RNF216: variants seen among roughly 807,000 people sequenced by gnomAD.
The protein encoded by RNF216 is E3 ubiquitin-protein ligase RNF216.
Under a neutral mutation model 110.8 loss-of-function variants are expected in RNF216, and 72 were observed. The ratio of observed to expected loss-of-function variants is 0.65; its 90% CI spans 0.54 to 0.79. The LOEUF is 0.79. RNF216 is among the 30% of genes least tolerant of loss of function. The pLI, the probability that RNF216 is intolerant of heterozygous loss-of-function variation, is 0.00. For missense variants in RNF216, 1,342 were observed against 1,141.2 expected (o/e 1.18, Z -2.54); for synonymous variants, 495 against 407.5 (o/e 1.21, Z -2.59).
intron 14 of RNF216, among the ~76,000 whole-genome samples, chr7:5,646,436 G>A (rs1411798443): frequency 6.6e-6 from 1 of 152,116 alleles, no homozygotes; most frequent in Admixed American, 6.6e-5. Flanking sequence ...GCTCACACCT[G>A]TAATCCCAGC....
chr7:5,728,793 G>A (rs182761811), intron 7 of RNF216, among the ~76,000 whole-genome samples: 28 of 152,270 alleles, frequency 1.8e-4, no homozygotes, highest in African/African-American at 5.3e-4. Context: ...ACAATTTAAC[G>A]GCAGTAAGAG....
intron 14 of RNF216, among the ~76,000 whole-genome samples, chr7:5,641,719 T>C (rs1439660415): frequency 6.6e-6 from 1 of 152,100 alleles, no homozygotes; most frequent in Non-Finnish European, 1.5e-5. Context: ...CTATTTGTTA[T>C]AGGAATCCCT....
chr7:5,740,367 C>G (rs1053026238), intron 4 of RNF216, among the ~76,000 whole-genome samples: 1 of 152,064 alleles, frequency 6.6e-6, no homozygotes, highest in Non-Finnish European at 1.5e-5. Context: ...ATCTTGTGAT[C>G]CACCCACCTT....
intron 7 of RNF216, among the ~76,000 whole-genome samples, chr7:5,726,634 G>A (rs189701002): frequency 1.1e-4 from 17 of 152,184 alleles, no homozygotes; most frequent in African/African-American, 3.6e-4. Context: ...GAGGCAGGTG[G>A]ATCACCTGAG....
intron 13 of RNF216, among the ~76,000 whole-genome samples, chr7:5,654,611 T>C (rs112974886): frequency 0.048 from 6,707 of 140,664 alleles, 190 homozygotes; most frequent in East Asian, 0.1. Flanking sequence ...CACTTGAACC[T>C]GGCAGGTGGA....
In RNF216 at chr7:5,712,783, G is replaced by C. The variant is rs765156428; in HGVS notation, c.1914C>G (p.Ile638Met). ...SELEKVLPQT[I>M]LYKYYERKAE... is the part of the protein sequence containing the mutation. ...CTTTTCGCTCATAGTACTTATACAG[G>C]ATGGTCTGGGGGAGCACCTTCTCCA... The change falls in exon 12 of 17, where the codon ATC becomes ATG. Residue 638 changes from isoleucine to methionine, a missense_variant. Physicochemically the swap from Ile to Met is conservative, Grantham distance 10. Coordinates refer to ENST00000389902, the MANE Select transcript of RNF216 (RefSeq NM_207111.4). 6 of 1,614,064 alleles carry C rather than the reference G, an allele frequency of 3.7e-6. No homozygotes were observed. In the East Asian group the frequency reaches 6.7e-5, roughly 18 times the overall value.
At chr7:5,655,898 C>T (rs538237688) in intron 13 of RNF216, among the ~76,000 whole-genome samples, 88 of 152,234 alleles carry the variant, frequency 5.8e-4, no homozygotes, top group African/African-American at 2.1e-3. Flanking sequence ...ACTCTGTCAC[C>T]CTGGCTGGAG....
At chr7:5,662,289 G>A (rs959636872) in intron 13 of RNF216, 11 of 152,182 alleles carry the variant, frequency 7.2e-5, no homozygotes, top group Non-Finnish European at 1.0e-4. Flanking sequence ...CCACCTTTGG[G>A]CAGTTGCATG....
chr7:5,748,171 G>A (rs1031279751), intron 3 of RNF216, among the ~76,000 whole-genome samples: 3 of 152,094 alleles, frequency 2.0e-5, no homozygotes, highest in Non-Finnish European at 2.9e-5. Context: ...TACAAACATC[G>A]TTTTCTGATG....
intron 14 of RNF216, among the ~76,000 whole-genome samples, chr7:5,650,794 C>T (rs1197132883): frequency 1.3e-5 from 2 of 152,202 alleles, no homozygotes; most frequent in African/African-American, 4.8e-5. Context: ...CTCCCCATCT[C>T]AAGGTCCTTA....
chr7:5,743,253 T>C (rs534117032), intron 3 of RNF216, among the ~76,000 whole-genome samples: 2 of 152,198 alleles, frequency 1.3e-5, no homozygotes, highest in African/African-American at 4.8e-5. Context: ...AGAGCAAGAC[T>C]CTGTCTCAAA....
At chr7:5,665,038 T>C (rs1265423658) in intron 13 of RNF216, among the ~76,000 whole-genome samples, 2 of 152,150 alleles carry the variant, frequency 1.3e-5, no homozygotes, top group Non-Finnish European at 2.9e-5. Context: ...CCTCAGGTGA[T>C]CTGCCCGCCT....
intron 14 of RNF216, among the ~76,000 whole-genome samples, chr7:5,643,525 T>A (rs961656194): frequency 3.3e-5 from 5 of 152,034 alleles, no homozygotes; most frequent in Admixed American, 6.6e-5. Flanking sequence ...CCCAGACTCC[T>A]GTAGTTATCT....
chr7:5,662,809 G>A (rs376990169), intron 13 of RNF216, among the ~76,000 whole-genome samples: 2 of 152,158 alleles, frequency 1.3e-5, no homozygotes, highest in East Asian at 1.9e-4. Context: ...AACAGGGAGG[G>A]TGCCATCTGA....
chr7:5,669,245 A>G (rs1789741801), intron 13 of RNF216, among the ~76,000 whole-genome samples: 1 of 152,238 alleles, frequency 6.6e-6, no homozygotes, highest in African/African-American at 2.4e-5. Flanking sequence ...GACACATAGT[A>G]AAGTTGAGAA....
intron 15 of RNF216, among the ~76,000 whole-genome samples, chr7:5,637,787 C>T (rs1478136134): frequency 6.6e-6 from 1 of 152,170 alleles, no homozygotes; most frequent in East Asian, 1.9e-4. Context: ...GAGATCTGCC[C>T]GCCTTGGGCT....
At chr7:5,684,911 G>T (rs1230624587) in intron 13 of RNF216, among the ~76,000 whole-genome samples, 2 of 151,978 alleles carry the variant, frequency 1.3e-5, no homozygotes, top group Non-Finnish European at 2.9e-5. Flanking sequence ...GGGGGGCTGG[G>T]GGTGGGGTGG....
At chr7:5,738,786 G>A (rs957777543) in intron 5 of RNF216, among the ~76,000 whole-genome samples, 1 of 150,808 alleles carries the variant, frequency 6.6e-6, no homozygotes, top group Non-Finnish European at 1.5e-5. Context: ...TGTTACAATC[G>A]TAGGGAAGAA....
chr7:5,740,445 C>T (rs905915233), intron 4 of RNF216, among the ~76,000 whole-genome samples: 1 of 152,084 alleles, frequency 6.6e-6, no homozygotes, highest in African/African-American at 2.4e-5. Flanking sequence ...CTCTTAATAT[C>T]ACCACTAATA....
Sources: allele counts gnomAD v4.1 joint callset (sites outside exome capture counted in the v4.1 genomes callset), GRCh38; gene constraint gnomAD v4.1.1; transcripts MANE v1.5; gene names NCBI Gene and HGNC (gene_info 2026-07-23, HGNC 2026-07-21).